SNX13: variants seen among roughly 807,000 people sequenced by gnomAD.
SNX13 encodes the protein sorting nexin 13.
A neutral mutation model predicts 133.6 loss-of-function variants in SNX13; 45 were observed. The observed-to-expected ratio is 0.34, with a 90% CI of 0.27 to 0.43. The LOEUF (loss-of-function observed/expected upper bound fraction) is 0.43. Among genes scored for constraint, SNX13 ranks in the 20% least tolerant of loss-of-function variants. The pLI, the probability that SNX13 is intolerant of heterozygous loss-of-function variation, is 1.00. For synonymous variants in SNX13, 414 were observed against 373.9 expected (o/e 1.11, Z -1.24); for missense variants, 1,032 against 1,145.1 (o/e 0.90, Z 1.43).
At chr7:17,842,146 A>G (rs899397557) in intron 12 of SNX13, among the ~76,000 whole-genome samples, 4 of 152,078 alleles carry the variant, frequency 2.6e-5, no homozygotes, top group African/African-American at 9.7e-5. Flanking sequence ...ATCTCCAACT[A>G]AGATGAATTC....
chr7:17,855,624 C>G (rs945730374), intron 9 of SNX13, among the ~76,000 whole-genome samples: 1 of 152,198 alleles, frequency 6.6e-6, no homozygotes, highest in Non-Finnish European at 1.5e-5. Context: ...AATAGCATGT[C>G]TGTTTACAAC....
chr7:17,862,821 C>A (rs570372331), intron 9 of SNX13, among the ~76,000 whole-genome samples: 3 of 152,292 alleles, frequency 2.0e-5, no homozygotes, highest in African/African-American at 7.2e-5. Context: ...CAGCGATCAT[C>A]CTCCCCACAG....
rs1287906418 is a variant in SNX13 at position 17,845,768 on chromosome 7, G to A, written c.1066-74C>T. ...GTTAAAGATGTGTACATAAATATAA[G>A]GAAAAAAATCAAGCTAAAACGGAGT... On this transcript the variant is annotated intron_variant, in intron 11 of 25. Transcript: ENST00000428135. 4.7e-6 allele frequency: 5 copies of A among 1,054,504 alleles called. No individual in the cohort carries two copies. The East Asian group carries it at 1.1e-4, about 23-fold the overall frequency. 65.3% of individuals were successfully genotyped at this position (1,054,504 alleles called of 1,614,324 possible). A position where few individuals can be genotyped will look rare whatever the true frequency, so the allele number is the denominator to read the frequency against.
intron 9 of SNX13, among the ~76,000 whole-genome samples, chr7:17,855,746 T>C (rs1369776966): frequency 6.6e-6 from 1 of 152,218 alleles, no homozygotes; most frequent in Non-Finnish European, 1.5e-5. Context: ...AGAGCTCTGA[T>C]GAAGGATATC....
chr7:17,797,436 G>A (rs1161490155), intron 24 of SNX13, among the ~76,000 whole-genome samples: 3 of 151,818 alleles, frequency 2.0e-5, no homozygotes, highest in Non-Finnish European at 4.4e-5. Flanking sequence ...CCTTTCACAA[G>A]TAAAACAACC....
chr7:17,924,771 T>A (rs764380243), intron 1 of SNX13, among the ~76,000 whole-genome samples: 17 of 152,168 alleles, frequency 1.1e-4, no homozygotes, highest in Admixed American at 1.1e-3. Context: ...ATCCATACAA[T>A]GGAATGTTAC....
At chr7:17,926,815 G>A (rs1187648105) in intron 1 of SNX13, among the ~76,000 whole-genome samples, 1 of 152,176 alleles carries the variant, frequency 6.6e-6, no homozygotes, top group Non-Finnish European at 1.5e-5. Flanking sequence ...GAGCCTAGGA[G>A]GTCAAGGCTG....
rs528506415 is a variant in SNX13 at position 17,835,742 on chromosome 7, G to GA, written c.1360-878dup. ...AACAGGTAGATAAATCAAGAAAGGA[G>GA]AAAAAAAAAGTAAACATCAGGATAT... On this transcript the variant is annotated intron_variant, in intron 13 of 25. Transcript: ENST00000428135. 6.1e-3 allele frequency among the ~76,000 whole-genome samples: 915 copies of GA among 150,264 alleles called. 8 individuals carry two copies. Among genetic ancestry groups the GA allele is most frequent in the Non-Finnish European group, 8.5e-3 (572 of 67,526 alleles).
intron 13 of SNX13, among the ~76,000 whole-genome samples, chr7:17,836,193 T>C (rs1789111405): frequency 6.6e-6 from 1 of 151,826 alleles, no homozygotes; most frequent in African/African-American, 2.4e-5. Context: ...CCAGTCAAGA[T>C]CCCCTCTTCC....
Position 17,794,112 on chromosome 7 carries a change from G to T in SNX13, c.2807C>A (p.Ser936Ter). ...CTGTTTATATTTCTGCATCTGCTTT[G>T]ACCGTGAATGCAGTTTGTTGAAAAG... ...RELFNKLHSR[S>*]KQMQKYKQKL... is the part of the protein sequence containing the mutation. Residue 936 changes from serine (S) to a stop codon, truncating the protein, a stop_gained, in exon 26 of 26, where the codon TCA (serine) becomes TAA (stop). Transcript: ENST00000428135. LOFTEE classifies it high-confidence loss of function. 2 of 1,611,644 alleles carry T rather than the reference G, an allele frequency of 1.2e-6. No homozygotes were observed. Among genetic ancestry groups the T allele is most frequent in the South Asian group, 2.2e-5 (2 of 90,938 alleles).
intron 11 of SNX13, among the ~76,000 whole-genome samples, chr7:17,848,304 C>T (rs1048957598): frequency 9.2e-5 from 14 of 152,172 alleles, no homozygotes; most frequent in Admixed American, 6.5e-5. Context: ...CTTTCATCGG[C>T]CATAAAGTCT....
chr7:17,868,229 T>A, intron 9 of SNX13, 178 bp downstream of exon 9: 1 of 546,054 alleles, frequency 1.8e-6, no homozygotes, highest in Non-Finnish European at 3.2e-6. Flanking sequence ...AAAGAGAATT[T>A]GGCCAACACA....
At chr7:17,930,714 C>G (rs1801298769) in intron 1 of SNX13, among the ~76,000 whole-genome samples, 1 of 152,112 alleles carries the variant, frequency 6.6e-6, no homozygotes, top group African/African-American at 2.4e-5. Flanking sequence ...ACCCCTGGGC[C>G]ACAGAGCATT....
chr7:17,848,980 C>T (rs902064166), intron 11 of SNX13, among the ~76,000 whole-genome samples: 4 of 152,174 alleles, frequency 2.6e-5, no homozygotes, highest in Non-Finnish European at 5.9e-5. Flanking sequence ...TGTAGTAGGA[C>T]CAAGTCACCA....
At chr7:17,930,287 C>T (rs1347197907) in intron 1 of SNX13, among the ~76,000 whole-genome samples, 1 of 152,102 alleles carries the variant, frequency 6.6e-6, no homozygotes, top group Admixed American at 6.5e-5. Flanking sequence ...GCAACCTTTC[C>T]AAGGTCAAAA....
intron 11 of SNX13, among the ~76,000 whole-genome samples, chr7:17,846,266 T>A (rs939774168): frequency 1.3e-5 from 2 of 151,616 alleles, no homozygotes; most frequent in Non-Finnish European, 2.9e-5. Context: ...AGGGAAAAAT[T>A]GCGTCCAAAA....
chr7:17,902,499 T>C (rs1472053789), intron 1 of SNX13, among the ~76,000 whole-genome samples: 3 of 152,144 alleles, frequency 2.0e-5, no homozygotes, highest in African/African-American at 4.8e-5. Flanking sequence ...CTGGCTGACA[T>C]TATAATCTTA....
At chr7:17,841,182 T>C (rs1422306053) in intron 12 of SNX13, among the ~76,000 whole-genome samples, 2 of 152,230 alleles carry the variant, frequency 1.3e-5, no homozygotes, top group East Asian at 1.9e-4. Flanking sequence ...TATCTCTTGA[T>C]TGGTCCAAGC....
At chr7:17,877,789 T>C (rs1418714200) in intron 5 of SNX13, among the ~76,000 whole-genome samples, 1 of 152,014 alleles carries the variant, frequency 6.6e-6, no homozygotes, top group Non-Finnish European at 1.5e-5. Context: ...CAGAAATATG[T>C]TGAGGGTAGG....
Sources: allele counts gnomAD v4.1 joint callset (sites outside exome capture counted in the v4.1 genomes callset), GRCh38; gene constraint gnomAD v4.1.1; transcripts MANE v1.5; gene names NCBI Gene and HGNC (gene_info 2026-07-23, HGNC 2026-07-21).